Variants in MARCHF11 observed in about 807,000 individuals in gnomAD.
MARCHF11 encodes the protein membrane associated ring-CH-type finger 11, also known as E3 ubiquitin-protein ligase MARCHF11.
Under a neutral mutation model 37.3 loss-of-function variants are expected in MARCHF11, and 29 were observed. The ratio of observed to expected loss-of-function variants is 0.78; its 90% confidence interval spans 0.58 to 1.06. The LOEUF is 1.06. Ranked by LOEUF, MARCHF11 falls within the 50% of genes least tolerant of loss-of-function variation. MARCHF11 has a pLI of 0.00. For missense variants in MARCHF11, 482 were observed against 533.4 expected (o/e 0.90, Z 0.95); for synonymous variants, 233 against 228.0 (o/e 1.02, Z -0.20).
At chr5:16,113,523 C>T (rs1215604216) in intron 2 of MARCHF11, among the ~76,000 whole-genome samples, 3 of 152,196 alleles carry the variant, frequency 2.0e-5, no homozygotes, top group Non-Finnish European at 2.9e-5. Flanking sequence ...AACATGCATA[C>T]ATGGCAAAAA....
intron 2 of MARCHF11, among the ~76,000 whole-genome samples, chr5:16,123,322 T>C (rs1189376808): frequency 6.6e-6 from 1 of 152,132 alleles, no homozygotes; most frequent in Non-Finnish European, 1.5e-5. Flanking sequence ...GATTAGGATA[T>C]GGGTACAGAG....
chr5:16,067,927 C>T, intron 3 of MARCHF11, 134 bp from the exon 4 acceptor site: 2 of 804,652 alleles, frequency 2.5e-6, no homozygotes, highest in South Asian at 1.9e-5. Flanking sequence ...ATTCTGTTTA[C>T]TCAAATATTA....
chr5:16,117,540 G>A (rs1737242541), intron 2 of MARCHF11, among the ~76,000 whole-genome samples: 1 of 152,190 alleles, frequency 6.6e-6, no homozygotes, highest in African/African-American at 2.4e-5. Flanking sequence ...GAGCCTACAG[G>A]AAGGCCTCAC....
At chr5:16,156,830 T>C (rs1737984604) in intron 2 of MARCHF11, among the ~76,000 whole-genome samples, 1 of 151,886 alleles carries the variant, frequency 6.6e-6, no homozygotes, top group Non-Finnish European at 1.5e-5. Context: ...TATATTACTG[T>C]ACTGAATACT....
At chr5:16,124,338 G>A (rs1737363993) in intron 2 of MARCHF11, among the ~76,000 whole-genome samples, 1 of 152,146 alleles carries the variant, frequency 6.6e-6, no homozygotes, top group African/African-American at 2.4e-5. Flanking sequence ...CTGGATGACC[G>A]GGATTGTTGG....
In MARCHF11 at chr5:16,094,192, G is replaced by T. The variant is rs187152918; in HGVS notation, c.694-3111C>A. Among the ~76,000 whole-genome samples the T allele has an allele frequency of 1.1e-3, 171 of 152,216 alleles. 1 individual carries two copies. Among genetic ancestry groups the T allele is most frequent in the Admixed American group, 2.0e-3 (30 of 15,292 alleles). ...ATCTACCATTATGTGCAAAAAGGAG[G>T]GTTGTTCTCATTCTTCCGCTAGAAG... On this transcript the variant is annotated intron_variant, in intron 2 of 3. Coordinates refer to ENST00000332432, the MANE Select transcript of MARCHF11 (RefSeq NM_001102562.3).
At chr5:16,114,948 C>T (rs945187125) in intron 2 of MARCHF11, among the ~76,000 whole-genome samples, 3 of 151,994 alleles carry the variant, frequency 2.0e-5, no homozygotes, top group Admixed American at 6.6e-5. Context: ...AATCAAAAAC[C>T]ATTTACTTAA....
chr5:16,111,916 G>A (rs1579388278), intron 2 of MARCHF11, among the ~76,000 whole-genome samples: 1 of 152,186 alleles, frequency 6.6e-6, no homozygotes, highest in South Asian at 2.1e-4. Context: ...GGTACAGCTT[G>A]GGCCATGGCT....
intron 3 of MARCHF11, among the ~76,000 whole-genome samples, chr5:16,088,754 T>C (rs1032302760): frequency 2.0e-5 from 3 of 152,120 alleles, no homozygotes; most frequent in Admixed American, 1.3e-4. Flanking sequence ...TTAATTTTTT[T>C]CAAAATATAC....
intron 2 of MARCHF11, among the ~76,000 whole-genome samples, chr5:16,134,998 T>TCTCTCTCA (rs137865822): frequency 0.02 from 2,811 of 143,756 alleles, 41 homozygotes; most frequent in Non-Finnish European, 0.03. Context: ...TCTCTCTCTC[T>TCTCTCTCA]CACACACACA....
At chr5:16,110,068 C>A (rs1048827156) in intron 2 of MARCHF11, among the ~76,000 whole-genome samples, 13 of 152,222 alleles carry the variant, frequency 8.5e-5, no homozygotes, top group African/African-American at 3.1e-4. Context: ...GAAAACAATC[C>A]CAGTAATGTT....
rs190069731 is a variant in MARCHF11 at position 16,094,747 on chromosome 5, A to G, written c.694-3666T>C. Reference sequence around the variant, plus strand: ...TCCAGCAAAAGTGGGACCAACTGGCACCTCTTTTGAAAGCTCACCCTCATT... The same window carrying G: ...TCCAGCAAAAGTGGGACCAACTGGCGCCTCTTTTGAAAGCTCACCCTCATT... On this transcript the variant is annotated intron_variant, in intron 2 of 3. Coordinates refer to ENST00000332432, the MANE Select transcript of MARCHF11 (RefSeq NM_001102562.3). 1.2e-3 allele frequency among the ~76,000 whole-genome samples: 180 copies of G among 152,236 alleles called. 3 individuals carry two copies. The highest frequency in any genetic ancestry group is 4.3e-3 in the African/African-American group (177 of 41,552).
At chr5:16,093,472 G>T (rs1420701450) in intron 2 of MARCHF11, among the ~76,000 whole-genome samples, 42 of 152,190 alleles carry the variant, frequency 2.8e-4, no homozygotes, top group Admixed American at 2.6e-3. Context: ...CAGGATGGAA[G>T]TGATGGTTGG....
chr5:16,118,668 G>A (rs1301972652), intron 2 of MARCHF11, among the ~76,000 whole-genome samples: 2 of 152,124 alleles, frequency 1.3e-5, no homozygotes, highest in African/African-American at 4.8e-5. Flanking sequence ...ACTACACTAA[G>A]CCGTCAGCGA....
At chr5:16,174,055 A>T (rs1429445981) in intron 2 of MARCHF11, among the ~76,000 whole-genome samples, 1 of 152,248 alleles carries the variant, frequency 6.6e-6, no homozygotes, top group Non-Finnish European at 1.5e-5. Context: ...CATAAATGTT[A>T]TCTCTTCAAA....
chr5:16,089,841 T>C (rs887745781), intron 3 of MARCHF11, among the ~76,000 whole-genome samples: 4 of 152,230 alleles, frequency 2.6e-5, no homozygotes, highest in East Asian at 1.9e-4. Flanking sequence ...TAGACTTGCA[T>C]GGTTGGAATT....
At chr5:16,132,136 A>G (rs1483716400) in intron 2 of MARCHF11, among the ~76,000 whole-genome samples, 1 of 152,254 alleles carries the variant, frequency 6.6e-6, no homozygotes, top group Non-Finnish European at 1.5e-5. Context: ...CAGGATGTGT[A>G]TAAGACTATA....
chr5:16,145,535 T>C (rs530082161), intron 2 of MARCHF11, among the ~76,000 whole-genome samples: 11 of 152,264 alleles, frequency 7.2e-5, no homozygotes, highest in African/African-American at 2.4e-4. Context: ...CTCCAGTTTA[T>C]GGTATTTTAT....
At chr5:16,095,478 A>AAGGAAGGG (rs1736852536) in intron 2 of MARCHF11, among the ~76,000 whole-genome samples, 1 of 125,066 alleles carries the variant, frequency 8.0e-6, no homozygotes. Context: ...GGAAGGAAGG[A>AAGGAAGGG]AGGAAGGGAG....
Sources: allele counts gnomAD v4.1 joint callset (sites outside exome capture counted in the v4.1 genomes callset), GRCh38; gene constraint gnomAD v4.1.1; transcripts MANE v1.5; gene names NCBI Gene and HGNC (gene_info 2026-07-23, HGNC 2026-07-21).